Variants in ST8SIA4 observed in about 807,000 individuals in gnomAD.
The protein encoded by ST8SIA4 is ST8 alpha-N-acetyl-neuraminide alpha-2,8-sialyltransferase 4.
In ST8SIA4, 15 loss-of-function variants were observed where a neutral mutation model predicts 33.9. That is an observed-to-expected ratio of 0.44 (90% CI 0.30 to 0.68). The LOEUF (loss-of-function observed/expected upper bound fraction) is 0.68, where lower values mean the gene tolerates loss of function less well. Ranked by LOEUF, ST8SIA4 falls within the 30% of genes least tolerant of loss-of-function variation. The pLI, the probability that ST8SIA4 is intolerant of heterozygous loss-of-function variation, is 0.10. For synonymous variants in ST8SIA4, 171 were observed against 151.2 expected (o/e 1.13, Z -0.96); for missense variants, 321 against 428.0 (o/e 0.75, Z 2.21).
At chr5:100,825,026 A>G (rs1751112137) in intron 4 of ST8SIA4, among the ~76,000 whole-genome samples, 1 of 152,076 alleles carries the variant, frequency 6.6e-6, no homozygotes, top group African/African-American at 2.4e-5. Context: ...ATGCCACTGC[A>G]CTCCAGCCTG....
At chr5:100,882,324 C>G (rs568231458) in intron 3 of ST8SIA4, among the ~76,000 whole-genome samples, 1 of 152,128 alleles carries the variant, frequency 6.6e-6, no homozygotes, top group African/African-American at 2.4e-5. Flanking sequence ...ATTGGTGGAA[C>G]TTTGAACTTG....
At chr5:100,891,438 G>A (rs540819117) in intron 2 of ST8SIA4, among the ~76,000 whole-genome samples, 36 of 152,114 alleles carry the variant, frequency 2.4e-4, no homozygotes, top group African/African-American at 7.7e-4. Context: ...ATTTTTGCAA[G>A]GCAACTTGTC....
chr5:100,847,974 GA>G (rs1409120639), intron 4 of ST8SIA4, among the ~76,000 whole-genome samples: 2 of 151,968 alleles, frequency 1.3e-5, no homozygotes, highest in East Asian at 3.9e-4. Context: ...AAGCAAAAAA[GA>G]TACTGCATAT....
chr5:100,893,921 T>C (rs1752727677), intron 2 of ST8SIA4, among the ~76,000 whole-genome samples: 1 of 152,180 alleles, frequency 6.6e-6, no homozygotes, highest in Non-Finnish European at 1.5e-5. Flanking sequence ...TTTAATCACC[T>C]ATCTCTCTCT....
chr5:100,884,392 C>G (rs1370232869), intron 3 of ST8SIA4, among the ~76,000 whole-genome samples: 1 of 152,078 alleles, frequency 6.6e-6, no homozygotes, highest in Non-Finnish European at 1.5e-5. Flanking sequence ...AGAAAATAGG[C>G]TTCAATTTTA....
In ST8SIA4 at chr5:100,808,954, A is replaced by G. The variant is rs1750748282; in HGVS notation, c.*2893T>C. ...CAAAAGCAATCTCAATCGACACTGAAGCCCTTTTTTTCATGCTGAACATTT... is the reference window on the plus strand; with the variant it reads ...CAAAAGCAATCTCAATCGACACTGAGGCCCTTTTTTTCATGCTGAACATTT... On this transcript the variant is annotated 3_prime_UTR_variant, in exon 5 of 5. Coordinates refer to ENST00000231461, the MANE Select transcript of ST8SIA4 (RefSeq NM_005668.6). 6.6e-6 allele frequency: 1 copy of G among 152,606 alleles called. No homozygotes were observed. The highest frequency in any genetic ancestry group is 2.1e-4 in the South Asian group (1 of 4,828). The allele number at this position is 152,606 out of a possible 1,614,324, so 9.5% of individuals were successfully genotyped here. A position where few individuals can be genotyped will look rare whatever the true frequency, so the allele number is the denominator to read the frequency against.
intron 4 of ST8SIA4, among the ~76,000 whole-genome samples, chr5:100,812,756 T>C (rs1281757332): frequency 6.6e-6 from 1 of 152,118 alleles, no homozygotes; most frequent in East Asian, 1.9e-4. Context: ...TTTTGTTAGA[T>C]AGATAAAATA....
intron 4 of ST8SIA4, among the ~76,000 whole-genome samples, chr5:100,822,470 C>T (rs1215809174): frequency 6.6e-6 from 1 of 152,150 alleles, no homozygotes; most frequent in Non-Finnish European, 1.5e-5. Flanking sequence ...CTTGGCTAGT[C>T]CTTGCAATGT....
intron 3 of ST8SIA4, among the ~76,000 whole-genome samples, chr5:100,880,526 A>T (rs959792775): frequency 2.6e-5 from 4 of 152,154 alleles, no homozygotes; most frequent in African/African-American, 9.7e-5. Context: ...GAAGCTTCAG[A>T]TTACCTCATT....
At chr5:100,873,459 C>T (rs545553444) in intron 3 of ST8SIA4, among the ~76,000 whole-genome samples, 3 of 152,082 alleles carry the variant, frequency 2.0e-5, no homozygotes, top group Non-Finnish European at 2.9e-5. Flanking sequence ...CTCACTATCT[C>T]TAGAAGACTC....
intron 4 of ST8SIA4, among the ~76,000 whole-genome samples, chr5:100,837,303 G>A (rs1349182767): frequency 6.6e-6 from 1 of 152,050 alleles, no homozygotes; most frequent in East Asian, 1.9e-4. Context: ...AACCAGAAGT[G>A]ATGAAGTCTG....
At chr5:100,813,102 C>T (rs1750847384) in intron 4 of ST8SIA4, among the ~76,000 whole-genome samples, 1 of 151,984 alleles carries the variant, frequency 6.6e-6, no homozygotes, top group South Asian at 2.1e-4. Flanking sequence ...ATGTTAGATC[C>T]TGTTTGTTGC....
chr5:100,896,770 A>G (rs2112484041), intron 1 of ST8SIA4, among the ~76,000 whole-genome samples: 1 of 152,314 alleles, frequency 6.6e-6, no homozygotes, highest in African/African-American at 2.4e-5. Context: ...TTTAGACAAC[A>G]GAGACAGAAT....
chr5:100,866,334 A>T (rs1449198694), intron 3 of ST8SIA4, among the ~76,000 whole-genome samples: 1 of 152,132 alleles, frequency 6.6e-6, no homozygotes, highest in Non-Finnish European at 1.5e-5. Context: ...AATATTTGCC[A>T]AAATGAATGG....
chr5:100,886,831 CATAG>C (rs1752547981), intron 2 of ST8SIA4, among the ~76,000 whole-genome samples: 1 of 152,010 alleles, frequency 6.6e-6, no homozygotes, highest in African/African-American at 2.4e-5. Context: ...TGACTGTATA[CATAG>C]ATATAGTATA....
At chr5:100,895,878 AT>A in intron 1 of ST8SIA4, 93 bp from the exon 2 acceptor site, 1 of 1,339,974 alleles carries the variant, frequency 7.5e-7, no homozygotes, top group Non-Finnish European at 1.0e-6. Context: ...CTGGTGATGA[AT>A]TTTAGATACT....
chr5:100,845,759 G>C (rs956593908), intron 4 of ST8SIA4, among the ~76,000 whole-genome samples: 1 of 151,818 alleles, frequency 6.6e-6, no homozygotes, highest in Admixed American at 6.6e-5. Context: ...TTTTAGTAAC[G>C]ATTTTTCCTC....
chr5:100,902,479 T>C (rs529712879), intron 1 of ST8SIA4, among the ~76,000 whole-genome samples: 1 of 152,314 alleles, frequency 6.6e-6, no homozygotes, highest in Non-Finnish European at 1.5e-5. Flanking sequence ...TGATAGGACA[T>C]TGAAAACAGG....
chr5:100,842,437 T>A (rs1751489050), intron 4 of ST8SIA4, among the ~76,000 whole-genome samples: 2 of 151,786 alleles, frequency 1.3e-5, no homozygotes, highest in Non-Finnish European at 2.9e-5. Context: ...TTCCTTTTTT[T>A]AAAACAAAAA....
Sources: gnomAD v4.1 joint callset for allele counts (sites outside exome capture counted in the v4.1 genomes callset) on GRCh38, gnomAD v4.1.1 for gene constraint, MANE v1.5 for transcripts, NCBI Gene and HGNC (gene_info 2026-07-23, HGNC 2026-07-21) for gene names.